Variants in KCNN2 observed in about 807,000 individuals in gnomAD.
KCNN2 encodes small conductance calcium-activated potassium channel protein 2.
Under a neutral mutation model 55.5 loss-of-function variants are expected in KCNN2, and 24 were observed. The ratio of observed to expected loss-of-function variants is 0.43; its 90% confidence interval spans 0.31 to 0.61. The LOEUF is 0.61. Ranked by LOEUF, KCNN2 falls within the 20% of genes least tolerant of loss-of-function variation. The probability of loss-of-function intolerance (pLI) is 0.08; values close to 1 mark genes in which losing one functional copy is unlikely to be tolerated. For missense variants in KCNN2, 754 were observed against 853.6 expected (o/e 0.88, Z 1.45); for synonymous variants, 431 against 336.1 (o/e 1.28, Z -3.09).
intron 2 of KCNN2, among the ~76,000 whole-genome samples, chr5:114,251,717 C>G (rs1754865165): frequency 6.6e-6 from 1 of 152,070 alleles, no homozygotes; most frequent in Non-Finnish European, 1.5e-5. Flanking sequence ...TTACATTGTA[C>G]TTTGTTGGTT....
At chr5:114,480,898 A>G (rs1421642127) in intron 5 of KCNN2, among the ~76,000 whole-genome samples, 3 of 152,206 alleles carry the variant, frequency 2.0e-5, no homozygotes, top group Non-Finnish European at 4.4e-5. Context: ...TGACAAATCC[A>G]CAGCCAGTAT....
chr5:114,380,618 A>T (rs1358513817), intron 2 of KCNN2, among the ~76,000 whole-genome samples: 1 of 152,248 alleles, frequency 6.6e-6, no homozygotes, highest in Non-Finnish European at 1.5e-5. Context: ...TGCTAGACAC[A>T]TAATAATCAC....
At chr5:114,082,815 T>C (rs2931491) in intron 1 of KCNN2, among the ~76,000 whole-genome samples, 132,604 of 152,166 alleles carry the variant, frequency 0.87, 57,953 homozygotes, top group Non-Finnish European at 0.9. Context: ...ATCACAAAGT[T>C]GAATCCTATA....
intron 2 of KCNN2, 42 bp downstream of exon 2, chr5:114,364,043 C>A: frequency 6.9e-7 from 1 of 1,457,128 alleles, no homozygotes; most frequent in Non-Finnish European, 9.6e-7. Context: ...CAAAGCCCTA[C>A]AGTCAGCCTA....
chr5:114,417,260 C>G (rs1759334153), intron 3 of KCNN2, among the ~76,000 whole-genome samples: 1 of 152,164 alleles, frequency 6.6e-6, no homozygotes, highest in South Asian at 2.1e-4. Flanking sequence ...GTGACCAGCC[C>G]TTAGAATTTC....
intron 2 of KCNN2, among the ~76,000 whole-genome samples, chr5:114,325,335 G>A (rs1386086834): frequency 6.6e-6 from 1 of 152,192 alleles, no homozygotes; most frequent in African/African-American, 2.4e-5. Flanking sequence ...GAACCAGGAT[G>A]TGATGATTTG....
chr5:114,403,377 T>A (rs1243829158), intron 2 of KCNN2, among the ~76,000 whole-genome samples: 1 of 152,234 alleles, frequency 6.6e-6, no homozygotes, highest in Non-Finnish European at 1.5e-5. Context: ...TTTATTTATG[T>A]GACTTGTAAT....
chr5:114,165,159 A>C (rs1005435155), intron 1 of KCNN2, among the ~76,000 whole-genome samples: 1 of 152,304 alleles, frequency 6.6e-6, no homozygotes, highest in African/African-American at 2.4e-5. Context: ...TGTGAGGTCT[A>C]CTTACATGTG....
At chr5:114,286,826 C>T (rs1023961498) in intron 2 of KCNN2, among the ~76,000 whole-genome samples, 3 of 152,096 alleles carry the variant, frequency 2.0e-5, no homozygotes, top group Admixed American at 6.5e-5. Context: ...TATAGAAAGT[C>T]AGACAGAAGA....
chr5:114,160,663 A>G (rs981717685), intron 1 of KCNN2, among the ~76,000 whole-genome samples: 13 of 152,072 alleles, frequency 8.5e-5, no homozygotes, highest in Non-Finnish European at 1.8e-4. Flanking sequence ...GTCACTAAGG[A>G]CTTGCTTTAT....
intron 2 of KCNN2, among the ~76,000 whole-genome samples, chr5:114,244,479 C>G (rs1381531262): frequency 6.6e-6 from 1 of 151,924 alleles, no homozygotes; most frequent in Non-Finnish European, 1.5e-5. Flanking sequence ...CACCTGTGAT[C>G]CCAGCTACTT....
At chr5:114,387,046 C>T (rs533646454) in intron 2 of KCNN2, among the ~76,000 whole-genome samples, 28 of 152,302 alleles carry the variant, frequency 1.8e-4, no homozygotes, top group Non-Finnish European at 4.0e-4. Context: ...TGGAGCCTAA[C>T]TTGTGTTGTA....
chr5:114,422,141 C>T (rs575132787), intron 3 of KCNN2, among the ~76,000 whole-genome samples: 132 of 152,328 alleles, frequency 8.7e-4, no homozygotes, highest in Non-Finnish European at 1.6e-3. Context: ...AGAAAGCGAA[C>T]TTGTGCTGCT....
At chr5:114,307,131 A>C (rs1182554362) in intron 2 of KCNN2, among the ~76,000 whole-genome samples, 1 of 152,176 alleles carries the variant, frequency 6.6e-6, no homozygotes, top group Non-Finnish European at 1.5e-5. Flanking sequence ...AAGTGGCTTT[A>C]GGTGTTTTCA....
chr5:114,313,333 A>T (rs1756442015), intron 2 of KCNN2, among the ~76,000 whole-genome samples: 1 of 152,158 alleles, frequency 6.6e-6, no homozygotes. Flanking sequence ...ACTATAGCTG[A>T]AAATTTTAAT....
chr5:114,407,518 G>A (rs1358519578), intron 3 of KCNN2, among the ~76,000 whole-genome samples: 1 of 151,454 alleles, frequency 6.6e-6, no homozygotes, highest in African/African-American at 2.4e-5. Flanking sequence ...TTTGCATTTT[G>A]TTTCCCCAAA....
chr5:114,468,677 C>T (rs1363048924), intron 4 of KCNN2, among the ~76,000 whole-genome samples: 1 of 152,048 alleles, frequency 6.6e-6, no homozygotes, highest in African/African-American at 2.4e-5. Flanking sequence ...CAGAGCCATT[C>T]TCTGTAGCAG....
intron 1 of KCNN2, among the ~76,000 whole-genome samples, chr5:114,181,127 T>C (rs899711211): frequency 6.6e-6 from 1 of 152,188 alleles, no homozygotes. Context: ...TGCTTTCTTT[T>C]CTCTTAAGTA....
At position 114,404,383 on chromosome 5, in the gene KCNN2, C is replaced by T. The variant is rs1446021190; in HGVS notation, c.1219-55C>T. 5.6e-6 allele frequency: 8 copies of T among 1,420,080 alleles called. No individual in the cohort carries two copies. In the East Asian group the frequency reaches 1.8e-4, roughly 33 times the overall value. 88.0% of individuals were successfully genotyped at this position (1,420,080 alleles called of 1,614,324 possible). The stretch of plus-strand genomic sequence containing the variant: ...TGTGTGTTTTTAAAATCTGCACTAA[C>T]ACTTGTGGACCATTCATGCCATACT... On this transcript the variant is annotated intron_variant, in intron 2 of 7. Coordinates refer to ENST00000673685, the MANE Select transcript of KCNN2 (RefSeq NM_021614.4).
Sources: gnomAD v4.1 joint callset for allele counts (sites outside exome capture counted in the v4.1 genomes callset) on GRCh38, gnomAD v4.1.1 for gene constraint, MANE v1.5 for transcripts, NCBI Gene and HGNC (gene_info 2026-07-23, HGNC 2026-07-21) for gene names.